Variants in ASXL3 observed in about 807,000 individuals in gnomAD.
ASXL3 encodes the protein ASXL transcriptional regulator 3.
Under a neutral mutation model 170.6 loss-of-function variants are expected in ASXL3, and 34 were observed. The ratio of observed to expected loss-of-function variants is 0.20; its 90% CI spans 0.15 to 0.27. ASXL3 has a LOEUF of 0.27. ASXL3 is among the 10% of genes least tolerant of loss of function. The probability of loss-of-function intolerance (pLI) is 1.00; values close to 1 mark genes in which losing one functional copy is unlikely to be tolerated. For missense variants in ASXL3, 2,592 were observed against 2,695.3 expected, an observed-to-expected ratio of 0.96 and a Z score of 0.85; for synonymous variants, 1,002 against 989.1, an observed-to-expected ratio of 1.01 and a Z score of -0.24.
intron 2 of ASXL3, among the ~76,000 whole-genome samples, chr18:33,629,581 A>G (rs1031765857): frequency 6.6e-6 from 1 of 151,980 alleles, no homozygotes; most frequent in African/African-American, 2.4e-5. Flanking sequence ...TTGAACTACT[A>G]CCTTGGCTCT....
At chr18:33,712,975 A>T (rs2067092890) in intron 8 of ASXL3, among the ~76,000 whole-genome samples, 1 of 152,052 alleles carries the variant, frequency 6.6e-6, no homozygotes, top group East Asian at 1.9e-4. Context: ...TCAGTGGTTG[A>T]AGCTGGCTCA....
At chr18:33,692,645 G>A (rs568699135) in intron 8 of ASXL3, among the ~76,000 whole-genome samples, 1 of 152,126 alleles carries the variant, frequency 6.6e-6, no homozygotes, top group South Asian at 2.1e-4. Flanking sequence ...TCATGTATTT[G>A]TTTTCCTCAT....
intron 1 of ASXL3, among the ~76,000 whole-genome samples, chr18:33,604,309 A>G (rs923174850): frequency 3.7e-4 from 56 of 152,046 alleles, no homozygotes; most frequent in Non-Finnish European, 2.5e-4. Flanking sequence ...TGAAAAAAGT[A>G]TATTCAAAGT....
intron 8 of ASXL3, among the ~76,000 whole-genome samples, chr18:33,720,400 A>G (rs939584957): frequency 6.6e-6 from 1 of 152,124 alleles, no homozygotes; most frequent in Non-Finnish European, 1.5e-5. Context: ...TATTTTATCT[A>G]TACAAGAACA....
intron 1 of ASXL3, among the ~76,000 whole-genome samples, chr18:33,590,166 G>T (rs1312248428): frequency 7.3e-6 from 1 of 137,718 alleles, no homozygotes; most frequent in Non-Finnish European, 1.5e-5. Flanking sequence ...GTGTAGGCAG[G>T]ATTCTATTTA....
chr18:33,599,706 C>A (rs1328372965), intron 1 of ASXL3, among the ~76,000 whole-genome samples: 3 of 152,006 alleles, frequency 2.0e-5, no homozygotes, highest in African/African-American at 7.2e-5. Flanking sequence ...GAGGAGATTT[C>A]TGGGATGAGT....
intron 8 of ASXL3, among the ~76,000 whole-genome samples, chr18:33,715,781 A>G (rs1268237000): frequency 6.6e-6 from 1 of 152,210 alleles, no homozygotes; most frequent in Non-Finnish European, 1.5e-5. Context: ...CATATCAAAA[A>G]ATAAAATCTT....
intron 11 of ASXL3, 102 bp from the exon 12 acceptor site, chr18:33,742,786 G>A: frequency 7.0e-7 from 1 of 1,428,966 alleles, no homozygotes; most frequent in Non-Finnish European, 9.3e-7. Flanking sequence ...CATATTAGGA[G>A]AGAATGCAGC....
intron 2 of ASXL3, among the ~76,000 whole-genome samples, chr18:33,644,155 G>GT (rs968374852): frequency 1.6e-4 from 25 of 151,818 alleles, no homozygotes; most frequent in Non-Finnish European, 2.9e-5. Context: ...TATTTTAAAT[G>GT]TTAGTTTAAT....
intron 2 of ASXL3, among the ~76,000 whole-genome samples, chr18:33,613,552 G>C (rs764518339): frequency 1.1e-4 from 16 of 152,042 alleles, no homozygotes; most frequent in African/African-American, 3.9e-4. Flanking sequence ...TATAAAAGTC[G>C]TATTTGTATA....
At chr18:33,706,494 T>G (rs975294496) in intron 8 of ASXL3, among the ~76,000 whole-genome samples, 9 of 151,894 alleles carry the variant, frequency 5.9e-5, no homozygotes, top group African/African-American at 1.9e-4. Context: ...ATGTGAACAT[T>G]TATGGTATTC....
At chr18:33,696,704 G>A (rs2066778871) in intron 8 of ASXL3, among the ~76,000 whole-genome samples, 1 of 151,804 alleles carries the variant, frequency 6.6e-6, no homozygotes, top group South Asian at 2.1e-4. Context: ...CTTTCTCGGA[G>A]TGTTCATCAG....
chr18:33,643,394 C>A (rs2065874576), intron 2 of ASXL3, among the ~76,000 whole-genome samples: 1 of 151,758 alleles, frequency 6.6e-6, no homozygotes, highest in Non-Finnish European at 1.5e-5. Flanking sequence ...CTTGTAGGAG[C>A]TTCATGAGGA....
At chr18:33,670,012 A>T (rs1207876362) in intron 5 of ASXL3, among the ~76,000 whole-genome samples, 1 of 151,954 alleles carries the variant, frequency 6.6e-6, no homozygotes, top group Non-Finnish European at 1.5e-5. Flanking sequence ...TCTTATATTC[A>T]TTTTTTTCCT....
At chr18:33,676,246 A>AAAAAAAAAAAAAAAAAAAAAAC (rs2066429068) in intron 7 of ASXL3, among the ~76,000 whole-genome samples, 1 of 149,994 alleles carries the variant, frequency 6.7e-6, no homozygotes, top group East Asian at 2.0e-4. Flanking sequence ...AAAAAAAAAA[A>AAAAAAAAAAAAAAAAAAAAAAC]ATTATTCAGT....
intron 10 of ASXL3, among the ~76,000 whole-genome samples, chr18:33,737,489 T>C (rs1299730222): frequency 6.6e-6 from 1 of 152,164 alleles, no homozygotes; most frequent in Non-Finnish European, 1.5e-5. Flanking sequence ...AATTATATGA[T>C]AGAAAACAGT....
At position 33,745,702 on chromosome 18, in the gene ASXL3, T is replaced by A. The variant is rs749486476; in HGVS notation, c.5854T>A (p.Ser1952Thr). 5 of 1,613,848 alleles carry A rather than the reference T, an allele frequency of 3.1e-6. No individual in the cohort carries two copies. The highest frequency in any genetic ancestry group is 4.2e-6 in the Non-Finnish European group (5 of 1,179,886). ...IPTAALLQAS[S>T]KTPVGCNAFA... ...TACTGCAGCTCTGTTACAGGCCTCT[T>A]CCAAGACCCCAGTGGGGTGTAATGC... Residue 1952 changes from serine to threonine, a missense_variant, in exon 12 of 12, where the codon TCC becomes ACC. Ser to Thr is a moderately conservative substitution (Grantham distance 58). Coordinates refer to ENST00000269197, the MANE Select transcript of ASXL3 (RefSeq NM_030632.3).
Position 33,670,809 on chromosome 18 carries a change from A to T in ASXL3, c.595+19A>T, listed in dbSNP as rs778560788. 1 of 1,476,084 alleles carries T rather than the reference A, an allele frequency of 6.8e-7. No homozygotes were observed. Among genetic ancestry groups the T allele is most frequent in the Non-Finnish European group, 9.1e-7 (1 of 1,094,318 alleles). 91.4% of individuals were successfully genotyped at this position (1,476,084 alleles called of 1,614,324 possible). A position where few individuals can be genotyped will look rare whatever the true frequency, so the allele number is the denominator to read the frequency against. ...CCTTCAGGTAAAGAGCTGAAATATC[A>T]TATGCTTGGCCAGTTTCTTCCTGGA... On this transcript the variant is annotated intron_variant, in intron 6 of 11. Coordinates refer to ENST00000269197, the MANE Select transcript of ASXL3 (RefSeq NM_030632.3).
intron 2 of ASXL3, among the ~76,000 whole-genome samples, chr18:33,637,044 A>T (rs2145184649): frequency 6.6e-6 from 1 of 152,260 alleles, no homozygotes; most frequent in Admixed American, 6.5e-5. Context: ...CACTTCCTGG[A>T]TGTGTTTTTC....
Sources: allele counts gnomAD v4.1 joint callset (sites outside exome capture counted in the v4.1 genomes callset), GRCh38; gene constraint gnomAD v4.1.1; transcripts MANE v1.5; gene names NCBI Gene and HGNC (gene_info 2026-07-23, HGNC 2026-07-21).